Variants in CADM2 observed in about 807,000 individuals in gnomAD.
The protein encoded by CADM2 is cell adhesion molecule 2, also known as immunoglobulin superfamily member 4D.
Under a neutral mutation model 49.8 loss-of-function variants are expected in CADM2, and 12 were observed. The ratio of observed to expected loss-of-function variants is 0.24; its 90% confidence interval spans 0.15 to 0.39. The LOEUF (loss-of-function observed/expected upper bound fraction) is 0.39, where lower values mean the gene tolerates loss of function less well. Among genes scored for constraint, CADM2 ranks in the 10% least tolerant of loss-of-function variants. CADM2 has a pLI of 1.00. For missense variants in CADM2, 378 were observed against 492.3 expected (o/e 0.77, Z 2.20); for synonymous variants, 214 against 175.4 (o/e 1.22, Z -1.74).
chr3:85,652,967 G>A (rs2065097347), intron 1 of CADM2, among the ~76,000 whole-genome samples: 1 of 150,928 alleles, frequency 6.6e-6, no homozygotes, highest in East Asian at 2.0e-4. Context: ...TAGAGACGGG[G>A]TTTCACCATG....
chr3:85,119,426 A>T (rs1275439330), intron 1 of CADM2, among the ~76,000 whole-genome samples: 1 of 152,170 alleles, frequency 6.6e-6, no homozygotes, highest in Non-Finnish European at 1.5e-5. Context: ...AAAGTCAGGT[A>T]GTGTGATGCC....
At position 85,245,308 on chromosome 3, in the gene CADM2, C is replaced by T. The variant is rs545209522; in HGVS notation, c.61+285640C>T. On this transcript the variant is annotated intron_variant, in intron 1 of 9. Transcript: ENST00000383699. ...CGGGCGGATCACGAGGTCAGGAGAT[C>T]GAGACCATCCTGGCTAACACGGTGA... Among the ~76,000 whole-genome samples, 3 of 152,018 alleles carry T rather than the reference C, an allele frequency of 2.0e-5. No homozygotes were observed. The South Asian group carries it at 6.2e-4, about 32-fold the overall frequency.
At chr3:85,252,516 G>A (rs1443469045) in intron 1 of CADM2, among the ~76,000 whole-genome samples, 6 of 151,866 alleles carry the variant, frequency 4.0e-5, no homozygotes, top group African/African-American at 1.4e-4. Flanking sequence ...GATAACTAAG[G>A]CACTAATGAC....
intron 1 of CADM2, among the ~76,000 whole-genome samples, chr3:85,409,021 T>G: frequency 6.6e-6 from 1 of 152,192 alleles, no homozygotes; most frequent in East Asian, 1.9e-4. Flanking sequence ...AATATTTCAC[T>G]ACATTCTCAG....
intron 5 of CADM2, among the ~76,000 whole-genome samples, chr3:85,904,598 T>G (rs1716542507): frequency 6.6e-6 from 1 of 152,212 alleles, no homozygotes; most frequent in African/African-American, 2.4e-5. Flanking sequence ...TATAGACCCT[T>G]GGCACAATTT....
chr3:85,601,167 T>TAC lies in CADM2; in HGVS notation c.62-125354_62-125353insCA, dbSNP rs1430217786. Among the ~76,000 whole-genome samples, 595 of 76,798 alleles carry TAC rather than the reference T, an allele frequency of 7.7e-3. 6 individuals carry two copies. Among genetic ancestry groups the TAC allele is most frequent in the East Asian group, 0.064 (111 of 1,740 alleles). The allele number at this position is 76,798 out of a possible 152,430, so 50.4% of individuals were successfully genotyped here. On this transcript the variant is annotated intron_variant, in intron 1 of 9. Coordinates refer to ENST00000383699, the MANE Select transcript of CADM2 (RefSeq NM_001167675.2). ...ATATATATATATATATATATATATA[T>TAC]ATATATACACACACACACACACATA...
chr3:85,298,504 C>T (rs2044020413), intron 1 of CADM2, among the ~76,000 whole-genome samples: 1 of 152,016 alleles, frequency 6.6e-6, no homozygotes, highest in Non-Finnish European at 1.5e-5. Context: ...ATCTTTTTGG[C>T]ATTTCTAGTG....
At chr3:85,888,520 T>G (rs1407642908) in intron 5 of CADM2, among the ~76,000 whole-genome samples, 1 of 152,192 alleles carries the variant, frequency 6.6e-6, no homozygotes, top group African/African-American at 2.4e-5. Context: ...TGAAAACTTG[T>G]GAAGATCCCA....
At chr3:85,124,022 A>C (rs1424099970) in intron 1 of CADM2, among the ~76,000 whole-genome samples, 2 of 152,204 alleles carry the variant, frequency 1.3e-5, no homozygotes, top group Non-Finnish European at 2.9e-5. Flanking sequence ...TCAATGAGCT[A>C]TGTTGAGCAC....
chr3:85,337,044 A>AATAT (rs540413952), intron 1 of CADM2, among the ~76,000 whole-genome samples: 3,340 of 135,414 alleles, frequency 0.025, 132 homozygotes, highest in African/African-American at 0.085. Flanking sequence ...TATATATATA[A>AATAT]ATATATATAT....
chr3:85,918,504 C>T (rs1342166303), intron 6 of CADM2, among the ~76,000 whole-genome samples: 1 of 152,024 alleles, frequency 6.6e-6, no homozygotes, highest in African/African-American at 2.4e-5. Flanking sequence ...GGGATGAAGC[C>T]CACTTGATCA....
chr3:85,366,221 T>C (rs1211464033), intron 1 of CADM2, among the ~76,000 whole-genome samples: 2 of 152,172 alleles, frequency 1.3e-5, no homozygotes. Flanking sequence ...TTTTGAAATA[T>C]GGAAAAATAC....
At chr3:85,356,766 T>A (rs903370066) in intron 1 of CADM2, among the ~76,000 whole-genome samples, 1 of 152,166 alleles carries the variant, frequency 6.6e-6, no homozygotes, top group South Asian at 2.1e-4. Flanking sequence ...GACATTCTAT[T>A]TCTACTGTTT....
chr3:85,652,448 A>T (rs1043979035), intron 1 of CADM2, among the ~76,000 whole-genome samples: 5 of 152,216 alleles, frequency 3.3e-5, no homozygotes, highest in African/African-American at 1.2e-4. Flanking sequence ...ACAAAGCTAA[A>T]GTTAAGGAGT....
At chr3:85,425,768 G>C (rs1398305435) in intron 1 of CADM2, among the ~76,000 whole-genome samples, 1 of 152,182 alleles carries the variant, frequency 6.6e-6, no homozygotes, top group Non-Finnish European at 1.5e-5. Flanking sequence ...GACAGTTTGA[G>C]AGATAAAGGT....
chr3:85,784,649 C>G (rs1200070232), intron 2 of CADM2, among the ~76,000 whole-genome samples: 1 of 152,026 alleles, frequency 6.6e-6, no homozygotes, highest in Non-Finnish European at 1.5e-5. Context: ...TATTGTTGCA[C>G]AAAGTGTACA....
At chr3:85,169,358 G>T (rs1321484298) in intron 1 of CADM2, among the ~76,000 whole-genome samples, 1 of 152,012 alleles carries the variant, frequency 6.6e-6, no homozygotes, top group Non-Finnish European at 1.5e-5. Flanking sequence ...ATATACCTAT[G>T]GTTATTTACA....
At chr3:85,698,574 TG>T (rs1438978626) in intron 1 of CADM2, among the ~76,000 whole-genome samples, 2 of 152,010 alleles carry the variant, frequency 1.3e-5, no homozygotes, top group Non-Finnish European at 2.9e-5. Flanking sequence ...CTTCACATGG[TG>T]GGGCAGGAGA....
At chr3:85,867,869 TC>T (rs1230530199) in intron 3 of CADM2, among the ~76,000 whole-genome samples, 2 of 152,094 alleles carry the variant, frequency 1.3e-5, no homozygotes, top group Non-Finnish European at 2.9e-5. Flanking sequence ...TCTTGTATTT[TC>T]TGGAGCCTCA....
Sources: allele counts gnomAD v4.1 joint callset (sites outside exome capture counted in the v4.1 genomes callset), GRCh38; gene constraint gnomAD v4.1.1; transcripts MANE v1.5; gene names NCBI Gene and HGNC (gene_info 2026-07-23, HGNC 2026-07-21).